The following ANKRD13C variants were observed in gnomAD, a reference collection of about 807,000 sequenced individuals.
ANKRD13C encodes ankyrin repeat domain 13C, also known as ankyrin repeat domain-containing protein 13C.
Under a neutral mutation model 65.5 loss-of-function variants are expected in ANKRD13C, and 16 were observed. That is an observed-to-expected ratio of 0.24 (90% CI 0.17 to 0.37). ANKRD13C has a LOEUF of 0.37. Among genes scored for constraint, ANKRD13C ranks in the 10% least tolerant of loss-of-function variants. The probability of loss-of-function intolerance (pLI) is 1.00; values close to 1 mark genes in which losing one functional copy is unlikely to be tolerated. For synonymous variants in ANKRD13C, 235 were observed against 238.7 expected (o/e 0.98, Z 0.14); for missense variants, 503 against 655.9 (o/e 0.77, Z 2.55).
chr1:70,302,851 C>T (rs1378675400), intron 6 of ANKRD13C, among the ~76,000 whole-genome samples: 1 of 150,066 alleles, frequency 6.7e-6, no homozygotes, highest in Non-Finnish European at 1.5e-5. Context: ...TGTAAGTGCA[C>T]TATTTGGGCT....
intron 5 of ANKRD13C, among the ~76,000 whole-genome samples, chr1:70,312,746 AT>A (rs1234811804): frequency 6.6e-6 from 1 of 152,046 alleles, no homozygotes; most frequent in Non-Finnish European, 1.5e-5. Context: ...TAGAGATTAC[AT>A]TTTTTTAAAT....
intron 11 of ANKRD13C, among the ~76,000 whole-genome samples, chr1:70,272,171 T>C (rs946048220): frequency 6.6e-6 from 1 of 151,870 alleles, no homozygotes; most frequent in Non-Finnish European, 1.5e-5. Context: ...TTCTTTTTTT[T>C]TTTTCTGAAC....
intron 9 of ANKRD13C, among the ~76,000 whole-genome samples, chr1:70,281,261 C>T (rs961595042): frequency 2.6e-5 from 4 of 152,078 alleles, no homozygotes; most frequent in African/African-American, 9.7e-5. Flanking sequence ...TGCTAGTTGT[C>T]TCCCCAGTAT....
intron 2 of ANKRD13C, among the ~76,000 whole-genome samples, chr1:70,328,339 A>T (rs539570731): frequency 1.5e-4 from 23 of 152,314 alleles, no homozygotes; most frequent in African/African-American, 5.5e-4. Flanking sequence ...TGCTCAACAC[A>T]GAAGTATATA....
intron 12 of ANKRD13C, among the ~76,000 whole-genome samples, chr1:70,265,117 G>A (rs1343981853): frequency 1.3e-5 from 2 of 152,182 alleles, no homozygotes; most frequent in East Asian, 3.8e-4. Flanking sequence ...CCAAAAAAAA[G>A]ACCAGCTTTT....
At chr1:70,301,505 A>G (rs1680354201) in intron 6 of ANKRD13C, among the ~76,000 whole-genome samples, 1 of 152,200 alleles carries the variant, frequency 6.6e-6, no homozygotes, top group African/African-American at 2.4e-5. Context: ...ATGCCTAACC[A>G]TCTGATACCA....
Position 70,336,118 on chromosome 1 carries a change from A to T in ANKRD13C, c.431-19T>A. On this transcript the variant is annotated intron_variant, in intron 1 of 12. Coordinates refer to ENST00000370944, the MANE Select transcript of ANKRD13C (RefSeq NM_030816.5). ...GTATTTCCTAAAAAAAATAAAATAA[A>T]ATAAATAAATTAGAAGGTGTAAAAA... 1.5e-6 allele frequency: 1 copy of T among 683,306 alleles called. No homozygotes were observed. The highest frequency in any genetic ancestry group is 2.1e-6 in the Non-Finnish European group (1 of 480,004). 42.3% of individuals were successfully genotyped at this position (683,306 alleles called of 1,614,324 possible).
chr1:70,302,615 A>T (rs1025612377), intron 6 of ANKRD13C, among the ~76,000 whole-genome samples: 8 of 129,664 alleles, frequency 6.2e-5, no homozygotes, highest in Non-Finnish European at 9.5e-5. Flanking sequence ...AGTCCCAGCT[A>T]CTTGGGAGGC....
At chr1:70,320,332 C>CT (rs924019944) in intron 3 of ANKRD13C, among the ~76,000 whole-genome samples, 73 of 147,300 alleles carry the variant, frequency 5.0e-4, no homozygotes, top group African/African-American at 6.7e-4. Flanking sequence ...CAGTGGTTGT[C>CT]TTTTTTTTTT....
rs757397180 is a variant in ANKRD13C, at chr1:70,354,365, G to C, written c.44C>G (p.Pro15Arg). The C allele has an allele frequency of 1.2e-6, 2 of 1,613,970 alleles. No homozygotes were observed. Among genetic ancestry groups the C allele is most frequent in the Non-Finnish European group, 1.7e-6 (2 of 1,180,006 alleles). ...CAGCAGGTCCCCTTCTTCTTTGCTG[G>C]GCTTGTGGTCCCTCCGCAGTGAGCG... is the stretch of plus-strand genomic sequence containing the variant. ...KIRSLRRDHK[P>R]SKEEGDLLEP... The change falls in exon 1 of 13, where the codon CCC becomes CGC. Residue 15 changes from proline to arginine, a missense_variant. Pro to Arg is a moderately radical substitution (Grantham distance 103). Transcript: ENST00000370944.
At chr1:70,332,758 G>A (rs1174028523) in intron 2 of ANKRD13C, among the ~76,000 whole-genome samples, 16 of 152,062 alleles carry the variant, frequency 1.1e-4, no homozygotes, top group East Asian at 3.8e-4. Context: ...GAGCCACCAC[G>A]GCTGGCTGAA....
At chr1:70,301,494 T>C (rs1680353914) in intron 6 of ANKRD13C, among the ~76,000 whole-genome samples, 1 of 152,212 alleles carries the variant, frequency 6.6e-6, no homozygotes, top group Non-Finnish European at 1.5e-5. Context: ...CCCGTAACCT[T>C]ATGCCTAACC....
At position 70,315,534 on chromosome 1, in the gene ANKRD13C, A is replaced by G; in HGVS notation, c.610T>C (p.Ser204Pro). The part of the protein sequence containing the change: ...TALLRKLKQQ[S>P]RESVEEKRPR... ...CGTTTTTCTTCAACACTTTCCCTGG[A>G]TTGCTGCTTAAGCTTCCTCAAAAGA... is the stretch of plus-strand genomic sequence containing the variant. The change falls in exon 4 of 13, where the codon TCC becomes CCC. Residue 204 changes from serine to proline, a missense_variant. Around this residue, in one of 2 missense-constraint regions of ANKRD13C, gnomAD observed 300 missense variants for 478.3 expected, o/e 0.63. Transcript: ENST00000370944. 6.2e-7 allele frequency: 1 copy of G among 1,609,380 alleles called. No homozygotes were observed.
At chr1:70,311,034 A>G (rs1680825324) in intron 5 of ANKRD13C, among the ~76,000 whole-genome samples, 1 of 152,254 alleles carries the variant, frequency 6.6e-6, no homozygotes, top group Non-Finnish European at 1.5e-5. Flanking sequence ...CTAGAGTTAT[A>G]AAAATGTGAG....
At chr1:70,330,574 CAAAA>C (rs71071394) in intron 2 of ANKRD13C, among the ~76,000 whole-genome samples, 1 of 68,392 alleles carries the variant, frequency 1.5e-5, no homozygotes, top group East Asian at 4.4e-4. Context: ...ACAAACAAAC[CAAAA>C]AAAAAAAAAA....
Position 70,318,679 on chromosome 1 carries a change from G to GTTTT in ANKRD13C, c.578-3117_578-3114dup, listed in dbSNP as rs11337993. Among the ~76,000 whole-genome samples the GTTTT allele has an allele frequency of 4.3e-3, 401 of 94,234 alleles. 6 individuals carry two copies. The highest frequency in any genetic ancestry group is 0.014 in the East Asian group (45 of 3,144). 61.8% of individuals were successfully genotyped at this position (94,234 alleles called of 152,430 possible). A position where few individuals can be genotyped will look rare whatever the true frequency, so the allele number is the denominator to read the frequency against. ...AATCCATTCTGTTAAATCAATCTTTGTTTTTTTTTTTTTTTTTTTTTTGAG... is the reference window on the plus strand; with the variant it reads ...AATCCATTCTGTTAAATCAATCTTTGTTTTTTTTTTTTTTTTTTTTTTTTTTGAG... On this transcript the variant is annotated intron_variant, in intron 3 of 12. Transcript: ENST00000370944.
chr1:70,278,852 T>G (rs12564833), intron 9 of ANKRD13C, among the ~76,000 whole-genome samples: 12 of 152,054 alleles, frequency 7.9e-5, no homozygotes, highest in East Asian at 3.9e-4. Context: ...ACTTGCAAAA[T>G]GGGAATTGGG....
intron 11 of ANKRD13C, among the ~76,000 whole-genome samples, chr1:70,273,362 TC>T (rs1252974844): frequency 3.9e-5 from 6 of 152,180 alleles, no homozygotes; most frequent in Non-Finnish European, 8.8e-5. Flanking sequence ...ATCTCCTCCC[TC>T]CCACTTTAGT....
chr1:70,354,350 CCTT>C lies in ANKRD13C; in HGVS notation c.56_58del (p.Glu19del), dbSNP rs770770798. ...CTCATCCCCGGGCTCCAGCAGGTCCCCTTCTTCTTTGCTGGGCTTGTGGTCCCT... is the reference window on the plus strand; with the variant it reads ...CTCATCCCCGGGCTCCAGCAGGTCCCCTTCTTTGCTGGGCTTGTGGTCCCT... On this transcript the variant is annotated inframe_deletion, in exon 1 of 13. Coordinates refer to ENST00000370944, the MANE Select transcript of ANKRD13C (RefSeq NM_030816.5). The C allele has an allele frequency of 2.5e-6, 4 of 1,614,022 alleles. No homozygotes were observed. Among genetic ancestry groups the C allele is most frequent in the Admixed American group, 3.3e-5 (2 of 60,010 alleles).
Sources: gnomAD v4.1 joint callset for allele counts (sites outside exome capture counted in the v4.1 genomes callset) on GRCh38, gnomAD v4.1.1 for gene constraint, gnomAD v4.1.1 regional missense constraint, MANE v1.5 for transcripts, NCBI Gene and HGNC (gene_info 2026-07-23, HGNC 2026-07-21) for gene names.